The following LRRC7 variants were observed in gnomAD, a reference collection of about 807,000 sequenced individuals.
The protein encoded by LRRC7 is leucine rich repeat containing 7.
In LRRC7, 23 loss-of-function variants were observed where a neutral mutation model predicts 175.7. That is an observed-to-expected ratio of 0.13 (90% CI 0.09 to 0.19). The LOEUF is 0.19. LRRC7 is among the 10% of genes least tolerant of loss of function. The pLI is 1.00. For synonymous variants in LRRC7, 685 were observed against 680.9 expected, an observed-to-expected ratio of 1.01 and a Z score of -0.09; for missense variants, 1,354 against 1,904.7, an observed-to-expected ratio of 0.71 and a Z score of 5.38.
chr1:69,745,660 A>G (rs1669175631), intron 2 of LRRC7, among the ~76,000 whole-genome samples: 2 of 151,882 alleles, frequency 1.3e-5, no homozygotes, highest in Non-Finnish European at 1.5e-5. Context: ...TTCACAGTAT[A>G]ATGCTAAATT....
intron 2 of LRRC7, among the ~76,000 whole-genome samples, chr1:69,682,622 G>A (rs1293184655): frequency 6.6e-6 from 1 of 152,062 alleles, no homozygotes; most frequent in African/African-American, 2.4e-5. Context: ...GGTAATCTAT[G>A]ACAAGGAACC....
chr1:69,795,393 A>T (rs1026185107), intron 4 of LRRC7, among the ~76,000 whole-genome samples: 4 of 150,592 alleles, frequency 2.7e-5, no homozygotes, highest in Non-Finnish European at 5.9e-5. Flanking sequence ...AAAAAAAGCT[A>T]TCACTGATTC....
intron 18 of LRRC7, among the ~76,000 whole-genome samples, chr1:70,029,307 G>T (rs1475798657): frequency 1.3e-5 from 2 of 152,146 alleles, no homozygotes; most frequent in African/African-American, 2.4e-5. Flanking sequence ...TTGAGTGATG[G>T]AGAATATAAT....
At position 70,124,631 on chromosome 1, in the gene LRRC7, A is replaced by G. The variant is rs900356864; in HGVS notation, c.*2744A>G. 6.6e-6 allele frequency among the ~76,000 whole-genome samples: 1 copy of G among 152,098 alleles called. No homozygotes were observed. The highest frequency in any genetic ancestry group is 1.5e-5 in the Non-Finnish European group (1 of 68,006). ...GAGGGGTATAAACCTCACTAATTCT[A>G]TAGGTGATGAAAACCAATTATACAT... On this transcript the variant is annotated 3_prime_UTR_variant, in exon 27 of 27. Coordinates refer to ENST00000651989, the MANE Select transcript of LRRC7 (RefSeq NM_001370785.2).
chr1:69,938,422 A>C (rs1452940634), intron 8 of LRRC7, among the ~76,000 whole-genome samples: 2 of 152,080 alleles, frequency 1.3e-5, no homozygotes, highest in Non-Finnish European at 2.9e-5. Context: ...ATTCAAATGG[A>C]ATTTGTTTCT....
intron 1 of LRRC7, among the ~76,000 whole-genome samples, chr1:69,617,987 A>G (rs769434739): frequency 1.3e-5 from 2 of 152,152 alleles, no homozygotes; most frequent in Non-Finnish European, 2.9e-5. Context: ...TAAGATAGAG[A>G]AATAATGGAA....
At chr1:69,653,712 T>C (rs906751660) in intron 1 of LRRC7, among the ~76,000 whole-genome samples, 2 of 152,072 alleles carry the variant, frequency 1.3e-5, no homozygotes, top group Admixed American at 1.3e-4. Context: ...CTTATGATTA[T>C]TTCAGCCTTT....
chr1:69,617,400 T>C (rs1037342390), intron 1 of LRRC7, among the ~76,000 whole-genome samples: 2 of 151,892 alleles, frequency 1.3e-5, no homozygotes, highest in Non-Finnish European at 2.9e-5. Flanking sequence ...CTGGCACTAG[T>C]AGTTTCACAA....
At chr1:69,802,213 G>A (rs944794191) in intron 4 of LRRC7, among the ~76,000 whole-genome samples, 19 of 151,420 alleles carry the variant, frequency 1.3e-4, no homozygotes, top group Admixed American at 4.0e-4. Context: ...TAAATCAAAT[G>A]TTCTGTATGT....
intron 7 of LRRC7, among the ~76,000 whole-genome samples, chr1:69,882,508 T>C (rs1010628676): frequency 3.3e-5 from 5 of 152,018 alleles, no homozygotes; most frequent in African/African-American, 9.7e-5. Context: ...TATATGTACA[T>C]ACCTACACAC....
chr1:69,651,972 C>G (rs1004931004), intron 1 of LRRC7, among the ~76,000 whole-genome samples: 1 of 151,948 alleles, frequency 6.6e-6, no homozygotes, highest in Non-Finnish European at 1.5e-5. Flanking sequence ...AAAAGGTACA[C>G]AACTTGAAGC....
intron 7 of LRRC7, among the ~76,000 whole-genome samples, chr1:69,901,850 T>C (rs1646144017): frequency 6.6e-6 from 1 of 152,292 alleles, no homozygotes; most frequent in East Asian, 1.9e-4. Flanking sequence ...GAACTCATTA[T>C]CTCTTAAGCC....
intron 8 of LRRC7, among the ~76,000 whole-genome samples, chr1:69,977,551 G>C (rs963019916): frequency 6.6e-6 from 1 of 152,106 alleles, no homozygotes; most frequent in Admixed American, 6.5e-5. Flanking sequence ...GTCACTGTGT[G>C]GCAGTGACAA....
chr1:69,569,266 G>A (rs1036860678), intron 1 of LRRC7, among the ~76,000 whole-genome samples: 2 of 152,118 alleles, frequency 1.3e-5, no homozygotes, highest in Admixed American at 6.5e-5. Flanking sequence ...AGGACGGAAA[G>A]AAGTGGGGGA....
intron 7 of LRRC7, among the ~76,000 whole-genome samples, chr1:69,914,232 A>C (rs1646620778): frequency 6.6e-6 from 1 of 152,210 alleles, no homozygotes; most frequent in Admixed American, 6.5e-5. Flanking sequence ...GCTGCACTGG[A>C]AATTTATGGG....
intron 1 of LRRC7, among the ~76,000 whole-genome samples, chr1:69,568,863 G>A (rs1173197426): frequency 6.6e-6 from 1 of 152,212 alleles, no homozygotes; most frequent in Non-Finnish European, 1.5e-5. Flanking sequence ...AACTGGGCGG[G>A]TGCATGGGAG....
chr1:70,061,023 T>A (rs1000185399), intron 23 of LRRC7, among the ~76,000 whole-genome samples: 4 of 151,984 alleles, frequency 2.6e-5, no homozygotes, highest in Non-Finnish European at 5.9e-5. Context: ...AATACCAGTC[T>A]CAATCATCAC....
At chr1:69,837,397 A>G (rs911868774) in intron 6 of LRRC7, among the ~76,000 whole-genome samples, 1 of 151,932 alleles carries the variant, frequency 6.6e-6, no homozygotes, top group Non-Finnish European at 1.5e-5. Flanking sequence ...GTATTACATT[A>G]TCTAATGTTC....
chr1:69,988,558 G>A (rs2101901417), intron 10 of LRRC7, among the ~76,000 whole-genome samples: 1 of 152,296 alleles, frequency 6.6e-6, no homozygotes, highest in East Asian at 1.9e-4. Flanking sequence ...AGTTCTTACC[G>A]TGAAATAAGA....
Sources: allele counts gnomAD v4.1 joint callset (sites outside exome capture counted in the v4.1 genomes callset), GRCh38; gene constraint gnomAD v4.1.1; transcripts MANE v1.5; gene names NCBI Gene and HGNC (gene_info 2026-07-23, HGNC 2026-07-21).